The following CCDC60 variants were observed in gnomAD, a reference collection of about 807,000 sequenced individuals.
CCDC60 encodes coiled-coil domain-containing protein 60.
CCDC60 carries 54 observed loss-of-function variants against 63.5 expected under a neutral mutation model. The ratio of observed to expected loss-of-function variants is 0.85; its 90% CI spans 0.68 to 1.07. The LOEUF (loss-of-function observed/expected upper bound fraction) is 1.07, where lower values mean the gene tolerates loss of function less well. Ranked by LOEUF, CCDC60 falls within the 50% of genes least tolerant of loss-of-function variation. CCDC60 has a pLI of 0.00. For synonymous variants in CCDC60, 206 were observed against 238.8 expected (o/e 0.86, Z 1.27); for missense variants, 651 against 684.3 (o/e 0.95, Z 0.54).
At chr12:119,389,236 A>G (rs1389226916) in intron 1 of CCDC60, among the ~76,000 whole-genome samples, 1 of 152,218 alleles carries the variant, frequency 6.6e-6, no homozygotes, top group African/African-American at 2.4e-5. Context: ...ATTCTGAGAC[A>G]TCTTCTATAT....
chr12:119,445,406 C>A (rs1360028080), intron 2 of CCDC60, among the ~76,000 whole-genome samples: 3 of 133,572 alleles, frequency 2.2e-5, no homozygotes, highest in Non-Finnish European at 4.6e-5. Context: ...TGCACTCCAG[C>A]CTGAGTGACA....
At chr12:119,487,572 C>T (rs1443300184) in intron 4 of CCDC60, among the ~76,000 whole-genome samples, 3 of 152,036 alleles carry the variant, frequency 2.0e-5, no homozygotes, top group Admixed American at 2.0e-4. Context: ...GCTGGGATTA[C>T]AAGAGTGAGC....
chr12:119,427,730 TA>T (rs146231381), intron 1 of CCDC60, among the ~76,000 whole-genome samples: 1 of 151,996 alleles, frequency 6.6e-6, no homozygotes, highest in Non-Finnish European at 1.5e-5. Context: ...TTTTTTTATT[TA>T]AAAAAAATCC....
chr12:119,537,004 A>G (rs521820), intron 13 of CCDC60, among the ~76,000 whole-genome samples: 100,433 of 152,076 alleles, frequency 0.66, 34,971 homozygotes, highest in East Asian at 0.92. Flanking sequence ...CCTGCAGAAT[A>G]TTTTCCAACT....
At chr12:119,524,774 G>A (rs1340996595) in intron 11 of CCDC60, among the ~76,000 whole-genome samples, 2 of 135,918 alleles carry the variant, frequency 1.5e-5, no homozygotes, top group African/African-American at 5.8e-5. Flanking sequence ...CCAGGCTGGA[G>A]TTCAGTGGCA....
At position 119,390,363 on chromosome 12, in the gene CCDC60, C is replaced by T. The variant is rs1345731304; in HGVS notation, c.91-38320C>T. Among the ~76,000 whole-genome samples the T allele has an allele frequency of 4.6e-5, 7 of 152,342 alleles. No homozygotes were observed. In the East Asian group the frequency reaches 1.3e-3, roughly 29 times the overall value. On this transcript the variant is annotated intron_variant, in intron 1 of 13. Coordinates refer to ENST00000327554, the MANE Select transcript of CCDC60 (RefSeq NM_178499.5). ...GTTTGTTGTGCTTACTAAATTTATCCTGGTACTTACTATAATAACTAAATA... is the reference window on the plus strand; with the variant it reads ...GTTTGTTGTGCTTACTAAATTTATCTTGGTACTTACTATAATAACTAAATA...
At chr12:119,343,267 C>T (rs960547961) in intron 1 of CCDC60, among the ~76,000 whole-genome samples, 6 of 152,112 alleles carry the variant, frequency 3.9e-5, no homozygotes, top group Non-Finnish European at 5.9e-5. Flanking sequence ...TTTATGCAAT[C>T]GGTAGTTTTA....
In CCDC60 at chr12:119,420,559, A is replaced by G. The variant is rs867367981; in HGVS notation, c.91-8124A>G. ...TAGGTAGTAGAAGGATGGTTATTAGAGGCTGGGAAGGATAGTGGGGGATGG... is the reference window on the plus strand; with the variant it reads ...TAGGTAGTAGAAGGATGGTTATTAGGGGCTGGGAAGGATAGTGGGGGATGG... On this transcript the variant is annotated intron_variant, in intron 1 of 13. Coordinates refer to ENST00000327554, the MANE Select transcript of CCDC60 (RefSeq NM_178499.5). This position sits in a 1 kb window ranked among gnomAD's most constrained non-coding sequence, Gnocchi z 4.1. Among the ~76,000 whole-genome samples the G allele has an allele frequency of 3.9e-5, 6 of 152,180 alleles. No individual in the cohort carries two copies. The highest frequency in any genetic ancestry group is 2.1e-4 in the South Asian group (1 of 4,832).
At chr12:119,532,327 A>T (rs814161) in intron 13 of CCDC60, among the ~76,000 whole-genome samples, 49,572 of 151,514 alleles carry the variant, frequency 0.33, 8,454 homozygotes, top group African/African-American at 0.44. Context: ...CCTCTTTTAT[A>T]TGAGGTGAGT....
At chr12:119,500,641 C>T (rs1172241563) in intron 6 of CCDC60, among the ~76,000 whole-genome samples, 1 of 149,832 alleles carries the variant, frequency 6.7e-6, no homozygotes, top group African/African-American at 2.5e-5. Context: ...ATCGCTTGAG[C>T]CCAGGAGTTT....
At chr12:119,496,913 A>G (rs890943903) in intron 5 of CCDC60, among the ~76,000 whole-genome samples, 1 of 152,186 alleles carries the variant, frequency 6.6e-6, no homozygotes, top group African/African-American at 2.4e-5. Flanking sequence ...TGGGTGAGCT[A>G]AGTAAGTTAG....
At chr12:119,352,295 G>C (rs771052652) in intron 1 of CCDC60, among the ~76,000 whole-genome samples, 1 of 152,194 alleles carries the variant, frequency 6.6e-6, no homozygotes, top group Non-Finnish European at 1.5e-5. Flanking sequence ...CCTGAGATTT[G>C]AATGGGGACA....
intron 4 of CCDC60, among the ~76,000 whole-genome samples, chr12:119,483,053 A>C (rs571656440): frequency 6.6e-6 from 1 of 152,130 alleles, no homozygotes; most frequent in African/African-American, 2.4e-5. Context: ...TGCATTTTCC[A>C]TCTGTGAACT....
At position 119,505,120 on chromosome 12, in the gene CCDC60, C is replaced by T. The variant is rs543248487; in HGVS notation, c.700C>T (p.Arg234Trp). The T allele has an allele frequency of 3.7e-6, 6 of 1,612,438 alleles. No homozygotes were observed. The highest frequency in any genetic ancestry group is 1.3e-5 in the African/African-American group (1 of 74,978). Residue 234 changes from arginine (R) to tryptophan (W), a missense_variant, in exon 7 of 14, where the codon CGG becomes TGG. Coordinates refer to ENST00000327554, the MANE Select transcript of CCDC60 (RefSeq NM_178499.5). Reference sequence around the variant, plus strand: ...GCGAGTCACCAACCGCAAACCAAGCCGGCGAGGCTCCACACTCAGTCTGAG... The same window carrying T: ...GCGAGTCACCAACCGCAAACCAAGCTGGCGAGGCTCCACACTCAGTCTGAG... ...TMRVTNRKPS[R>W]RGSTLSLSRA...
intron 12 of CCDC60, among the ~76,000 whole-genome samples, chr12:119,529,509 C>T (rs929911033): frequency 6.6e-6 from 1 of 152,148 alleles, no homozygotes; most frequent in African/African-American, 2.4e-5. Flanking sequence ...AGGGTGAATA[C>T]ACTAAGATTT....
At position 119,507,561 on chromosome 12, in the gene CCDC60, TATATATATGTATATATACAC is replaced by T. The variant is rs1388095612; in HGVS notation, c.883+2267_883+2286del. 6.6e-3 allele frequency among the ~76,000 whole-genome samples: 450 copies of T among 67,790 alleles called. 8 individuals carry two copies. Among genetic ancestry groups the T allele is most frequent in the Middle Eastern group, 0.015 (2 of 136 alleles). 44.5% of individuals were successfully genotyped at this position (67,790 alleles called of 152,430 possible). A position where few individuals can be genotyped will look rare whatever the true frequency, so the allele number is the denominator to read the frequency against. ...ATACACATATATATACATATATATA[TATATATATGTATATATACAC>T]ATATATATACATATATATATATATA... On this transcript the variant is annotated intron_variant, in intron 7 of 13. Coordinates refer to ENST00000327554, the MANE Select transcript of CCDC60 (RefSeq NM_178499.5).
At chr12:119,441,869 T>G (rs914053404) in intron 2 of CCDC60, among the ~76,000 whole-genome samples, 18 of 152,188 alleles carry the variant, frequency 1.2e-4, no homozygotes, top group African/African-American at 4.1e-4. Context: ...ACTTTTTTTT[T>G]GCTGAACATA....
At chr12:119,353,377 T>G (rs186523312) in intron 1 of CCDC60, among the ~76,000 whole-genome samples, 2 of 152,060 alleles carry the variant, frequency 1.3e-5, no homozygotes, top group East Asian at 3.9e-4. Flanking sequence ...ATAATGTCAC[T>G]CTCCAGAAAG....
chr12:119,445,262 C>T (rs1950521063), intron 2 of CCDC60, among the ~76,000 whole-genome samples: 1 of 151,286 alleles, frequency 6.6e-6, no homozygotes, highest in African/African-American at 2.4e-5. Flanking sequence ...GGTGAAACCC[C>T]GTCTCTACTA....
Sources: allele counts gnomAD v4.1 joint callset (sites outside exome capture counted in the v4.1 genomes callset), GRCh38; gene constraint gnomAD v4.1.1; non-coding constraint Gnocchi (gnomAD v3.1); transcripts MANE v1.5; gene names NCBI Gene and HGNC (gene_info 2026-07-23, HGNC 2026-07-21).